Variants in MRPS27 observed in about 807,000 individuals in gnomAD.
The protein encoded by MRPS27 is mitochondrial ribosomal protein S27, also known as small ribosomal subunit protein mS27.
MRPS27 carries 43 observed loss-of-function variants against 48.9 expected under a neutral mutation model. The ratio of observed to expected loss-of-function variants is 0.88; its 90% CI spans 0.69 to 1.13. The LOEUF (loss-of-function observed/expected upper bound fraction) is 1.13, where lower values mean the gene tolerates loss of function less well. Ranked by LOEUF, MRPS27 falls within the 50% of genes most tolerant of loss-of-function variation. The probability of loss-of-function intolerance (pLI) is 0.00; values close to 1 mark genes in which losing one functional copy is unlikely to be tolerated. For missense variants in MRPS27, 467 were observed against 476.3 expected, an observed-to-expected ratio of 0.98 and a Z score of 0.18; for synonymous variants, 188 against 171.9, an observed-to-expected ratio of 1.09 and a Z score of -0.73.
At chr5:72,286,713 C>A (rs1366378702) in intron 4 of MRPS27, among the ~76,000 whole-genome samples, 2 of 152,078 alleles carry the variant, frequency 1.3e-5, no homozygotes, top group African/African-American at 4.8e-5. Flanking sequence ...ACTGAATAGA[C>A]CTTTCCTGTC....
intron 8 of MRPS27, chr5:72,227,998 C>T (rs1006193965): frequency 8.8e-6 from 4 of 455,022 alleles, no homozygotes; most frequent in Middle Eastern, 5.4e-4. Flanking sequence ...TTTCTTTATC[C>T]CTTCTTCAGA....
intron 4 of MRPS27, among the ~76,000 whole-genome samples, chr5:72,267,858 G>C (rs1042820552): frequency 6.6e-6 from 1 of 152,088 alleles, no homozygotes; most frequent in African/African-American, 2.4e-5. Flanking sequence ...TATGCTCTCA[G>C]ATGCTGCCTT....
chr5:72,308,460 G>C (rs2112083223), intron 2 of MRPS27, among the ~76,000 whole-genome samples: 1 of 152,324 alleles, frequency 6.6e-6, no homozygotes, highest in South Asian at 2.1e-4. Context: ...CGGCCCTCCG[G>C]CTGGCGGCGC....
At chr5:72,314,872 T>G (rs1417195531) in intron 1 of MRPS27, among the ~76,000 whole-genome samples, 2 of 152,224 alleles carry the variant, frequency 1.3e-5, no homozygotes, top group African/African-American at 2.4e-5. Flanking sequence ...AAAAAACATT[T>G]TCATCTTAGA....
At chr5:72,303,479 T>A (rs548559323) in intron 2 of MRPS27, among the ~76,000 whole-genome samples, 1 of 152,228 alleles carries the variant, frequency 6.6e-6, no homozygotes, top group East Asian at 1.9e-4. Context: ...ATGATGAGAA[T>A]TTTTTAGAAT....
chr5:72,300,862 A>C (rs1467213586), intron 2 of MRPS27, among the ~76,000 whole-genome samples: 1 of 152,206 alleles, frequency 6.6e-6, no homozygotes, highest in African/African-American at 2.4e-5. Flanking sequence ...AATAAATGCT[A>C]ATCTGTGTTG....
At chr5:72,271,999 T>C (rs927343694) in intron 4 of MRPS27, among the ~76,000 whole-genome samples, 2 of 152,306 alleles carry the variant, frequency 1.3e-5, no homozygotes, top group South Asian at 4.1e-4. Flanking sequence ...TTTTAAGCTC[T>C]AGTTTTTACA....
At position 72,256,438 on chromosome 5, in the gene MRPS27, A is replaced by G. The variant is rs138128505; in HGVS notation, c.282-18310T>C. Among the ~76,000 whole-genome samples the G allele has an allele frequency of 2.8e-3, 425 of 152,382 alleles. 4 individuals carry two copies. The highest frequency in any genetic ancestry group is 4.5e-3 in the Non-Finnish European group (304 of 68,036). On this transcript the variant is annotated intron_variant, in intron 4 of 10. Transcript: ENST00000261413. ...GGCAAGACATCCTATGATTGAATAT[A>G]TAGAGCCGAAAAGGCACTCTCTTCA...
chr5:72,304,051 A>G (rs1328486398), intron 2 of MRPS27, among the ~76,000 whole-genome samples: 1 of 152,170 alleles, frequency 6.6e-6, no homozygotes. Context: ...ATGTGTTTTA[A>G]AGGATAAAAC....
intron 4 of MRPS27, among the ~76,000 whole-genome samples, chr5:72,262,586 A>G (rs1749011128): frequency 1.3e-5 from 2 of 151,624 alleles, no homozygotes; most frequent in Admixed American, 6.6e-5. Flanking sequence ...GGCTATATGA[A>G]AACATCTACA....
chr5:72,223,795 T>C lies in MRPS27; in HGVS notation c.893A>G (p.Glu298Gly), dbSNP rs748590134. Reference protein sequence around the residue: ...KALTSADGASEEQSQNDEDNQ... With the variant: ...KALTSADGASGEQSQNDEDNQ... The stretch of plus-strand genomic sequence containing the variant: ...GTCTTCATCATTTTGGGACTGCTCC[T>C]CTGAAGCCCCATCAGCTGAAGTCAG... The change falls in exon 10 of 11, where the codon GAG becomes GGG. Residue 298 changes from glutamate (E) to glycine (G), a missense_variant. Physicochemically the swap from Glu to Gly is moderately conservative, Grantham distance 98 (BLOSUM62 -2). Transcript: ENST00000261413. The C allele has an allele frequency of 8.7e-6, 14 of 1,613,906 alleles. No individual in the cohort carries two copies. In the East Asian group the frequency reaches 1.1e-4, roughly 13 times the overall value.
intron 4 of MRPS27, among the ~76,000 whole-genome samples, chr5:72,273,915 T>C (rs1391354529): frequency 6.6e-6 from 1 of 152,246 alleles, no homozygotes; most frequent in Non-Finnish European, 1.5e-5. Context: ...TTAGAAACTT[T>C]TGACTTTTCT....
chr5:72,272,739 A>G (rs1414980066), intron 4 of MRPS27, among the ~76,000 whole-genome samples: 3 of 151,944 alleles, frequency 2.0e-5, no homozygotes, highest in African/African-American at 7.3e-5. Context: ...CGTACTGGAG[A>G]CTCCTGACAC....
At chr5:72,254,792 A>C (rs547981421) in intron 4 of MRPS27, among the ~76,000 whole-genome samples, 1 of 152,298 alleles carries the variant, frequency 6.6e-6, no homozygotes, top group South Asian at 2.1e-4. Context: ...AAGGATTAAA[A>C]AAAACTAAAA....
At chr5:72,319,928 A>G in intron 1 of MRPS27, 1 of 593,558 alleles carries the variant, frequency 1.7e-6, no homozygotes, top group Non-Finnish European at 3.0e-6. Flanking sequence ...CATGCTATAT[A>G]ACCTTCCACT....
intron 4 of MRPS27, among the ~76,000 whole-genome samples, chr5:72,276,341 C>T (rs1194334666): frequency 6.6e-6 from 1 of 152,160 alleles, no homozygotes; most frequent in African/African-American, 2.4e-5. Flanking sequence ...ATAAATGGTG[C>T]TGGGAGAACT....
At chr5:72,279,837 C>G (rs1041048397) in intron 4 of MRPS27, among the ~76,000 whole-genome samples, 1 of 151,500 alleles carries the variant, frequency 6.6e-6, no homozygotes, top group East Asian at 1.9e-4. Context: ...TCCTATATTT[C>G]CTTCTAAAAG....
At chr5:72,278,474 T>C (rs1749442796) in intron 4 of MRPS27, among the ~76,000 whole-genome samples, 1 of 151,720 alleles carries the variant, frequency 6.6e-6, no homozygotes, top group South Asian at 2.1e-4. Context: ...ATTTAAAGTC[T>C]GTCATACTTG....
chr5:72,260,369 G>A (rs1459965417), intron 4 of MRPS27, among the ~76,000 whole-genome samples: 1 of 152,114 alleles, frequency 6.6e-6, no homozygotes, highest in Non-Finnish European at 1.5e-5. Context: ...GAGTCCCTTT[G>A]CATTATGTAT....
Sources: allele counts gnomAD v4.1 joint callset (sites outside exome capture counted in the v4.1 genomes callset), GRCh38; gene constraint gnomAD v4.1.1; transcripts MANE v1.5; gene names NCBI Gene and HGNC (gene_info 2026-07-23, HGNC 2026-07-21).